Variants in FAM186B observed in about 807,000 individuals in gnomAD.
The protein encoded by FAM186B is protein FAM186B.
FAM186B carries 68 observed loss-of-function variants against 83.4 expected under a neutral mutation model. That is an observed-to-expected ratio of 0.81 (90% CI 0.67 to 1.00). The LOEUF is 1.00. Among genes scored for constraint, FAM186B ranks in the 50% least tolerant of loss-of-function variants. FAM186B has a pLI of 0.00. For synonymous variants in FAM186B, 389 were observed against 422.0 expected, an observed-to-expected ratio of 0.92 and a Z score of 0.96; for missense variants, 983 against 1,099.2, an observed-to-expected ratio of 0.89 and a Z score of 1.49.
chr12:49,614,150 C>CA, the FAM186B span, among the ~76,000 whole-genome samples: 7,257 of 131,268 alleles, frequency 0.055, 203 homozygotes, highest in Middle Eastern at 0.12. Context: ...AACTCTGTCT[C>CA]AAAAAAAAAA....
intron 2 of FAM186B, 55 bp downstream of exon 2, chr12:49,604,258 T>A: frequency 6.9e-7 from 1 of 1,441,432 alleles, no homozygotes; most frequent in Non-Finnish European, 9.7e-7. Flanking sequence ...GTCCCTGTGC[T>A]CGCCACCCAC....
chr12:49,605,501 A>G lies in FAM186B; in HGVS notation c.-24T>C. The G allele has an allele frequency of 1.9e-6, 3 of 1,608,086 alleles. No homozygotes were observed. Among genetic ancestry groups the G allele is most frequent in the South Asian group, 1.1e-5 (1 of 89,676 alleles). On this transcript the variant is annotated 5_prime_UTR_variant, in exon 1 of 7. Coordinates refer to ENST00000257894, the MANE Select transcript of FAM186B (RefSeq NM_032130.3). ...ATTTTGGATCACTCTGTCAGTCACA[A>G]AACATCCTGTGTTTCTGGTCCACAG... is the stretch of plus-strand genomic sequence containing the variant.
Position 49,599,485 on chromosome 12 carries a change from G to C in FAM186B, c.2155C>G (p.Arg719Gly). The C allele has an allele frequency of 6.5e-7, 1 of 1,542,780 alleles. No individual in the cohort carries two copies. The highest frequency in any genetic ancestry group is 8.7e-7 in the Non-Finnish European group (1 of 1,148,086). ...AGGACCTACCGGAGGCTCTGGAGGC[G>C]TCTATAGAAGATGTACTTATGGCAC... is the stretch of plus-strand genomic sequence containing the variant. ...YLCHKYIFYR[R>G]LQSLRQEAIN... The change falls in exon 4 of 7, where the codon CGC becomes GGC. Residue 719 changes from arginine (R) to glycine (G), a missense_variant. Coordinates refer to ENST00000257894, the MANE Select transcript of FAM186B (RefSeq NM_032130.3).
At chr12:49,613,562 G>T in the FAM186B span, among the ~76,000 whole-genome samples, 1 of 148,162 alleles carries the variant, frequency 6.7e-6, no homozygotes, top group East Asian at 2.0e-4. Flanking sequence ...CAAATTGGCC[G>T]GGCGCAGTGA....
At chr12:49,601,794 G>A (rs1211339132) in intron 3 of FAM186B, among the ~76,000 whole-genome samples, 1 of 151,504 alleles carries the variant, frequency 6.6e-6, no homozygotes, top group Non-Finnish European at 1.5e-5. Flanking sequence ...GTACCCCCTT[G>A]GACCTACTAT....
At chr12:49,590,024 G>A (rs1202202074) in intron 5 of FAM186B, among the ~76,000 whole-genome samples, 9 of 146,568 alleles carry the variant, frequency 6.1e-5, no homozygotes, top group Non-Finnish European at 1.0e-4. Flanking sequence ...GAATATAGGA[G>A]TCTTTTATTC....
chr12:49,617,933 T>G, the FAM186B span, among the ~76,000 whole-genome samples: 1 of 152,196 alleles, frequency 6.6e-6, no homozygotes, highest in Admixed American at 6.5e-5. Context: ...CAGAACTCTA[T>G]GGCAAATGGA....
At chr12:49,598,651 G>C (rs527532016) in intron 5 of FAM186B, 104 bp downstream of exon 5, 1 of 1,025,390 alleles carries the variant, frequency 9.8e-7, no homozygotes. Flanking sequence ...CCCTGGTCCC[G>C]CAGTCTCAGC....
intron 5 of FAM186B, among the ~76,000 whole-genome samples, chr12:49,589,875 G>A (rs1456553503): frequency 6.7e-6 from 1 of 149,842 alleles, no homozygotes; most frequent in Non-Finnish European, 1.5e-5. Context: ...CAGCTACTCG[G>A]AAGGCTGAGG....
intron 5 of FAM186B, chr12:49,594,211 A>G: frequency 3.6e-6 from 1 of 276,008 alleles, no homozygotes; most frequent in South Asian, 5.2e-5. Flanking sequence ...TGTATACAGA[A>G]TAATATTCAA....
chr12:49,584,443 G>A (rs531348751), downstream of FAM186B: 30 of 697,536 alleles, frequency 4.3e-5, no homozygotes, highest in East Asian at 2.7e-4. Context: ...GTGGGTTTCC[G>A]TCCCTCAGAA....
chr12:49,608,486 G>A (rs1437230773), upstream of FAM186B, among the ~76,000 whole-genome samples: 4 of 137,744 alleles, frequency 2.9e-5, no homozygotes, highest in Non-Finnish European at 4.6e-5. Flanking sequence ...GCAAGACTCC[G>A]TCTCCAAAAA....
upstream of FAM186B, among the ~76,000 whole-genome samples, chr12:49,609,335 TCAG>T (rs989217617): frequency 2.6e-5 from 4 of 152,178 alleles, no homozygotes; most frequent in African/African-American, 9.7e-5. Flanking sequence ...CTCACCCAGA[TCAG>T]CAGCCTGAGC....
intron 5 of FAM186B, among the ~76,000 whole-genome samples, chr12:49,594,605 T>C (rs929654039): frequency 6.6e-6 from 1 of 152,232 alleles, no homozygotes; most frequent in African/African-American, 2.4e-5. Context: ...CCGGGTGTGG[T>C]GGCTCACGCC....
In FAM186B at chr12:49,600,737, C is replaced by T; in HGVS notation, c.903G>A (p.Gly301=). Residue 301 remains glycine (G), a synonymous_variant, in exon 4 of 7, where the codon GGG becomes GGA. Transcript: ENST00000257894. The surrounding 1 kb of genome is among the most constrained non-coding windows in gnomAD (Gnocchi z 4.3). ...TCAGGAGAAGGTCATGGTACCTTCC[C>T]CCTAAGATCTCTACCTGCTTCAGCA... ...DALLKQVEIL[G]GRYHDLLLMK... is the part of the protein sequence containing the mutation. 1 of 1,614,160 alleles carries T rather than the reference C, an allele frequency of 6.2e-7. No homozygotes were observed. The highest frequency in any genetic ancestry group is 8.5e-7 in the Non-Finnish European group (1 of 1,180,006).
intron 5 of FAM186B, among the ~76,000 whole-genome samples, chr12:49,592,037 G>C (rs1282262556): frequency 6.6e-6 from 1 of 152,294 alleles, no homozygotes; most frequent in East Asian, 1.9e-4. Context: ...AACTGCATTA[G>C]GGGATTTATA....
the FAM186B span, among the ~76,000 whole-genome samples, chr12:49,612,273 C>G: frequency 6.6e-6 from 1 of 151,268 alleles, no homozygotes; most frequent in African/African-American, 2.4e-5. Context: ...ACAGGCTTAA[C>G]ATAAAGGGTT....
Position 49,602,887 on chromosome 12 carries a change from T to C in FAM186B, c.505+298A>G, listed in dbSNP as rs559715793. ...GCCCGCAGGTTCTAGCTGCTAACTC[T>C]AGCCCTCCTGGCCTCCCAGCTTTGT... On this transcript the variant is annotated intron_variant, in intron 3 of 6. Transcript: ENST00000257894. 4.6e-5 allele frequency among the ~76,000 whole-genome samples: 7 copies of C among 152,286 alleles called. No homozygotes were observed. In the South Asian group the frequency reaches 1.4e-3, roughly 32 times the overall value.
chr12:49,599,416 C>T (rs888942313), intron 4 of FAM186B, 53 bp downstream of exon 4: 2 of 1,502,846 alleles, frequency 1.3e-6, no homozygotes, highest in African/African-American at 2.8e-5. Flanking sequence ...GGTTTAGGCT[C>T]TGCCAACATA....
Sources: gnomAD v4.1 joint callset for allele counts (sites outside exome capture counted in the v4.1 genomes callset) on GRCh38, gnomAD v4.1.1 for gene constraint, Gnocchi (gnomAD v3.1) non-coding constraint, MANE v1.5 for transcripts, NCBI Gene and HGNC (gene_info 2026-07-23, HGNC 2026-07-21) for gene names.